MYO1D: variants seen among roughly 807,000 people sequenced by gnomAD.
The protein encoded by MYO1D is unconventional myosin-Id.
MYO1D carries 83 observed loss-of-function variants against 122.0 expected under a neutral mutation model. That is an observed-to-expected ratio of 0.68 (90% confidence interval 0.57 to 0.82). The LOEUF is 0.82. Ranked by LOEUF, MYO1D falls within the 40% of genes least tolerant of loss-of-function variation. MYO1D has a pLI of 0.00. For missense variants in MYO1D, 1,157 were observed against 1,269.5 expected (o/e 0.91, Z 1.35); for synonymous variants, 464 against 446.9 (o/e 1.04, Z -0.48).
At chr17:32,579,538 T>C (rs1024895159) in intron 21 of MYO1D, among the ~76,000 whole-genome samples, 1 of 152,178 alleles carries the variant, frequency 6.6e-6, no homozygotes, top group Non-Finnish European at 1.5e-5. Flanking sequence ...ACTCCACATA[T>C]TTAAGGTATA....
intron 5 of MYO1D, 108 bp downstream of exon 5, chr17:32,772,681 G>A (rs1379512676): frequency 2.3e-6 from 2 of 886,630 alleles, no homozygotes; most frequent in African/African-American, 3.3e-5. Context: ...ATGTTACGGG[G>A]CCAATGGAGA....
At chr17:32,806,406 G>A (rs1034598152) in intron 1 of MYO1D, among the ~76,000 whole-genome samples, 1 of 152,078 alleles carries the variant, frequency 6.6e-6, no homozygotes, top group Non-Finnish European at 1.5e-5. Flanking sequence ...GTTTAGCTTT[G>A]TAGAAATAGT....
chr17:32,872,827 G>A (rs1169541694), intron 1 of MYO1D, among the ~76,000 whole-genome samples: 2 of 151,422 alleles, frequency 1.3e-5, no homozygotes, highest in African/African-American at 4.9e-5. Context: ...CTCCCGAGTA[G>A]CTGGGACTAC....
intron 21 of MYO1D, among the ~76,000 whole-genome samples, chr17:32,513,867 G>C (rs1909788984): frequency 6.8e-6 from 1 of 146,062 alleles, no homozygotes; most frequent in Non-Finnish European, 1.5e-5. Flanking sequence ...ATCTTGCTCT[G>C]TTGCCCAGGC....
intron 20 of MYO1D, among the ~76,000 whole-genome samples, chr17:32,630,691 G>T (rs1047404626): frequency 5.9e-5 from 9 of 151,948 alleles, no homozygotes; most frequent in African/African-American, 2.2e-4. Context: ...TCCTGCTTCA[G>T]CCTCCCGATT....
At chr17:32,836,919 G>A (rs905652821) in intron 1 of MYO1D, among the ~76,000 whole-genome samples, 2 of 152,000 alleles carry the variant, frequency 1.3e-5, no homozygotes, top group African/African-American at 2.4e-5. Flanking sequence ...GAGTTAAATC[G>A]CTAGGTCATA....
At chr17:32,861,975 G>GC (rs1297910990) in intron 1 of MYO1D, among the ~76,000 whole-genome samples, 7 of 152,254 alleles carry the variant, frequency 4.6e-5, no homozygotes, top group Admixed American at 3.9e-4. Flanking sequence ...CTGAGATTGT[G>GC]CCACTGCACT....
At chr17:32,846,481 T>TA (rs1478662807) in intron 1 of MYO1D, among the ~76,000 whole-genome samples, 2 of 152,196 alleles carry the variant, frequency 1.3e-5, no homozygotes, top group African/African-American at 4.8e-5. Flanking sequence ...ATTCTGAGGT[T>TA]AAAAAAATCT....
chr17:32,642,512 T>G (rs1051367258), intron 19 of MYO1D, among the ~76,000 whole-genome samples: 2 of 152,206 alleles, frequency 1.3e-5, no homozygotes, highest in African/African-American at 4.8e-5. Context: ...ATCTATAAAT[T>G]ACCTTGGGCA....
chr17:32,587,585 C>A (rs543766445), intron 21 of MYO1D, among the ~76,000 whole-genome samples: 2 of 151,680 alleles, frequency 1.3e-5, no homozygotes, highest in South Asian at 4.2e-4. Flanking sequence ...GACTAGTTTG[C>A]CAAATTTACC....
chr17:32,619,156 C>A (rs911717861), intron 20 of MYO1D, among the ~76,000 whole-genome samples: 9 of 152,140 alleles, frequency 5.9e-5, no homozygotes, highest in African/African-American at 2.2e-4. Context: ...ATCACTTCAA[C>A]AAGTTTTTAA....
intron 19 of MYO1D, among the ~76,000 whole-genome samples, chr17:32,644,903 C>A (rs79984414): frequency 3.9e-4 from 59 of 152,258 alleles, no homozygotes; most frequent in Middle Eastern, 3.4e-3. Context: ...GAGCATTTTG[C>A]ATATTTACAT....
rs550533167 is a variant in MYO1D at position 32,573,854 on chromosome 17, T to A, written c.2864+31233A>T. 6.0e-4 allele frequency among the ~76,000 whole-genome samples: 91 copies of A among 150,428 alleles called. No homozygotes were observed. The South Asian group carries it at 6.5e-3, about 11-fold the overall frequency. ...ACCATATTTTATCCCTTGTTTATTT[T>A]TTATTATTATTTTTTGAGACGGAGT... On this transcript the variant is annotated intron_variant, in intron 21 of 21. Transcript: ENST00000318217.
intron 1 of MYO1D, among the ~76,000 whole-genome samples, chr17:32,858,024 C>T (rs17781136): frequency 0.14 from 21,986 of 152,130 alleles, 2,039 homozygotes; most frequent in Middle Eastern, 0.28. Flanking sequence ...TTTGTAATAA[C>T]TGAGAGCATA....
At chr17:32,744,079 T>C (rs981759020) in intron 13 of MYO1D, among the ~76,000 whole-genome samples, 1 of 152,204 alleles carries the variant, frequency 6.6e-6, no homozygotes, top group African/African-American at 2.4e-5. Context: ...TTTCTTCTTA[T>C]GTGGACTCAG....
At chr17:32,700,956 A>G (rs1471579924) in intron 16 of MYO1D, among the ~76,000 whole-genome samples, 2 of 151,690 alleles carry the variant, frequency 1.3e-5, no homozygotes, top group East Asian at 3.9e-4. Flanking sequence ...AAAAAAAAAA[A>G]AAAGAAAAAA....
intron 21 of MYO1D, among the ~76,000 whole-genome samples, chr17:32,572,304 A>G (rs1302519669): frequency 6.6e-6 from 1 of 151,960 alleles, no homozygotes; most frequent in Non-Finnish European, 1.5e-5. Context: ...CATCTCCAAC[A>G]CTGATCTCTG....
chr17:32,797,919 T>C (rs2090432122), intron 1 of MYO1D, among the ~76,000 whole-genome samples: 1 of 152,274 alleles, frequency 6.6e-6, no homozygotes, highest in Admixed American at 6.5e-5. Flanking sequence ...TTGCTAATTA[T>C]ACATTTACTA....
At chr17:32,758,249 T>C (rs2089967885) in intron 10 of MYO1D, among the ~76,000 whole-genome samples, 1 of 152,006 alleles carries the variant, frequency 6.6e-6, no homozygotes, top group South Asian at 2.1e-4. Flanking sequence ...CAAAGAGAGA[T>C]CATTCAAGGA....
Sources: gnomAD v4.1 joint callset for allele counts (sites outside exome capture counted in the v4.1 genomes callset) on GRCh38, gnomAD v4.1.1 for gene constraint, MANE v1.5 for transcripts, NCBI Gene and HGNC (gene_info 2026-07-23, HGNC 2026-07-21) for gene names.